Variants in ANO3 observed in about 807,000 individuals in gnomAD.
ANO3 encodes anoctamin 3, also known as anoctamin-3.
In ANO3, 99 loss-of-function variants were observed where a neutral mutation model predicts 144.8. That is an observed-to-expected ratio of 0.68 (90% CI 0.58 to 0.81). The LOEUF (loss-of-function observed/expected upper bound fraction) is 0.81. Ranked by LOEUF, ANO3 falls within the 30% of genes least tolerant of loss-of-function variation. The pLI is 0.00. For missense variants in ANO3, 905 were observed against 1,202.2 expected, an observed-to-expected ratio of 0.75 and a Z score of 3.66; for synonymous variants, 414 against 392.6, an observed-to-expected ratio of 1.05 and a Z score of -0.64.
intron 17 of ANO3, among the ~76,000 whole-genome samples, chr11:26,621,803 C>G (rs1852424052): frequency 6.6e-6 from 1 of 152,040 alleles, no homozygotes; most frequent in Admixed American, 6.6e-5. Flanking sequence ...AGAATTTCAG[C>G]TTACTAAATG....
rs544138296 is a variant in ANO3 at position 26,285,781 on chromosome 11, T to C, written c.155-23864T>C. 217 of 152,316 alleles carry C rather than the reference T, an allele frequency of 1.4e-3. 1 individual carries two copies. The highest frequency in any genetic ancestry group is 5.0e-3 in the African/African-American group (207 of 41,570). The allele number at this position is 152,316 out of a possible 1,614,324, so 9.4% of individuals were successfully genotyped here. On this transcript the variant is annotated intron_variant, in intron 1 of 27. Transcript: ENST00000672621. ...GGGCTGACCTGGGTGTCCCTTCCCT[T>C]TGTCATATGCTGACTCATGAAATGC...
intron 3 of ANO3, among the ~76,000 whole-genome samples, chr11:26,454,617 G>C (rs890672994): frequency 9.2e-5 from 14 of 151,608 alleles, no homozygotes; most frequent in Non-Finnish European, 1.8e-4. Flanking sequence ...TCCAGGACCA[G>C]ATGGATTCAC....
At chr11:26,521,017 C>T (rs77248777) in intron 6 of ANO3, among the ~76,000 whole-genome samples, 16,722 of 136,970 alleles carry the variant, frequency 0.12, 1,284 homozygotes, top group Admixed American at 0.18. Flanking sequence ...TCTTCCCAGA[C>T]CAGTTTAAAT....
intron 4 of ANO3, among the ~76,000 whole-genome samples, chr11:26,497,821 A>G (rs985402317): frequency 1.3e-5 from 2 of 152,060 alleles, no homozygotes; most frequent in Non-Finnish European, 2.9e-5. Context: ...TTACAATAAA[A>G]TGGTATTTGA....
intron 1 of ANO3, among the ~76,000 whole-genome samples, chr11:26,303,315 G>T (rs1017435770): frequency 6.6e-6 from 1 of 151,786 alleles, no homozygotes; most frequent in African/African-American, 2.4e-5. Flanking sequence ...ATGGTGGACT[G>T]ATTTAAAAAA....
At chr11:26,630,799 C>G (rs1325238541) in intron 18 of ANO3, among the ~76,000 whole-genome samples, 1 of 152,118 alleles carries the variant, frequency 6.6e-6, no homozygotes, top group Non-Finnish European at 1.5e-5. Flanking sequence ...CCTTGTTACA[C>G]TATGCTGTAT....
chr11:26,621,138 C>G (rs1852402942), intron 17 of ANO3, among the ~76,000 whole-genome samples: 1 of 152,166 alleles, frequency 6.6e-6, no homozygotes, highest in Non-Finnish European at 1.5e-5. Flanking sequence ...ATAACCATGT[C>G]CTTTTCCTGC....
chr11:26,368,284 TC>T (rs1856149362), intron 1 of ANO3, among the ~76,000 whole-genome samples: 1 of 152,178 alleles, frequency 6.6e-6, no homozygotes, highest in South Asian at 2.1e-4. Flanking sequence ...AGATGGCTCT[TC>T]AGTTTTTTAC....
chr11:26,486,659 T>C (rs985498739), intron 4 of ANO3, among the ~76,000 whole-genome samples: 1 of 152,188 alleles, frequency 6.6e-6, no homozygotes. Flanking sequence ...CATGAGATCT[T>C]AGTCCAGCGG....
chr11:26,577,384 C>T (rs1329975878), intron 14 of ANO3, among the ~76,000 whole-genome samples: 1 of 151,658 alleles, frequency 6.6e-6, no homozygotes, highest in African/African-American at 2.4e-5. Flanking sequence ...TGGGGAAACC[C>T]CGTCTGTACT....
intron 11 of ANO3, among the ~76,000 whole-genome samples, chr11:26,543,243 G>A (rs777925306): frequency 7.2e-5 from 11 of 152,144 alleles, no homozygotes; most frequent in Non-Finnish European, 1.0e-4. Context: ...AGGAAGCAAG[G>A]GTAATAAACC....
chr11:26,396,230 C>T (rs1857010243), intron 1 of ANO3, among the ~76,000 whole-genome samples: 1 of 152,130 alleles, frequency 6.6e-6, no homozygotes, highest in Non-Finnish European at 1.5e-5. Context: ...AAATCAAAAC[C>T]ACAATGAAAT....
intron 1 of ANO3, among the ~76,000 whole-genome samples, chr11:26,261,058 A>G (rs1315163398): frequency 6.6e-6 from 1 of 152,212 alleles, no homozygotes; most frequent in African/African-American, 2.4e-5. Context: ...GCTTCTCTGT[A>G]TCAGAAGATA....
intron 3 of ANO3, among the ~76,000 whole-genome samples, chr11:26,458,302 T>A (rs1859244398): frequency 6.6e-6 from 1 of 152,142 alleles, no homozygotes; most frequent in South Asian, 2.1e-4. Flanking sequence ...GCAATATGAC[T>A]GTCTCCATTG....
chr11:26,332,297 A>G lies in ANO3; in HGVS notation c.22A>G (p.Ile8Val). MVHHSGS[I>V]QSFKQQKGMN... is the part of the protein sequence containing the mutation. ...GAAAATGGTCCACCATTCAGGCTCC[A>G]TTCAGTCCTTTAAACAGCAAAAAGG... The change falls in exon 1 of 27, where the codon ATT becomes GTT. Residue 8 changes from isoleucine (I) to valine (V), a missense_variant. Physicochemically the swap from Ile to Val is conservative, Grantham distance 29. Around this residue, in one of 4 missense-constraint regions of ANO3, gnomAD observed 174 missense variants for 171.9 expected, o/e 1.01. Transcript: ENST00000256737. 1 of 1,613,964 alleles carries G rather than the reference A, an allele frequency of 6.2e-7. No individual in the cohort carries two copies. The highest frequency in any genetic ancestry group is 8.5e-7 in the Non-Finnish European group (1 of 1,180,010).
chr11:26,463,685 A>G (rs1408650023), intron 4 of ANO3, among the ~76,000 whole-genome samples: 1 of 151,912 alleles, frequency 6.6e-6, no homozygotes, highest in Non-Finnish European at 1.5e-5. Context: ...CAATACAAAA[A>G]TGAGGTAGAG....
chr11:26,469,606 G>A (rs1509169), intron 4 of ANO3, among the ~76,000 whole-genome samples: 134,287 of 151,878 alleles, frequency 0.88, 60,064 homozygotes, highest in South Asian at 0.97. Context: ...GCCTTTTTAA[G>A]TGGACTTTTA....
intron 1 of ANO3, among the ~76,000 whole-genome samples, chr11:26,212,858 T>G (rs1379072470): frequency 6.6e-6 from 1 of 152,064 alleles, no homozygotes; most frequent in African/African-American, 2.4e-5. Context: ...ATATCCCTGA[T>G]GAACATTAAT....
At chr11:26,272,722 G>A (rs868816418) in intron 1 of ANO3, among the ~76,000 whole-genome samples, 4 of 152,042 alleles carry the variant, frequency 2.6e-5, no homozygotes, top group African/African-American at 9.7e-5. Context: ...GAGGAGAAAG[G>A]ATATCTATCT....
Sources: allele counts gnomAD v4.1 joint callset (sites outside exome capture counted in the v4.1 genomes callset), GRCh38; gene constraint gnomAD v4.1.1; regional missense constraint gnomAD v4.1.1; transcripts MANE v1.5; gene names NCBI Gene and HGNC (gene_info 2026-07-23, HGNC 2026-07-21).